FSIP2: variants seen among roughly 807,000 people sequenced by gnomAD.
FSIP2 encodes fibrous sheath interacting protein 2.
Under a neutral mutation model 510.5 loss-of-function variants are expected in FSIP2, and 367 were observed. That is an observed-to-expected ratio of 0.72 (90% CI 0.66 to 0.78). FSIP2 has a LOEUF of 0.78. FSIP2 is among the 30% of genes least tolerant of loss of function. The probability of loss-of-function intolerance (pLI) is 0.00; values close to 1 mark genes in which losing one functional copy is unlikely to be tolerated. For missense variants in FSIP2, 7,594 were observed against 7,901.7 expected (o/e 0.96, Z 1.48); for synonymous variants, 2,601 against 2,732.2 (o/e 0.95, Z 1.50).
At chr2:185,770,449 G>A (rs1043600470) in intron 13 of FSIP2, among the ~76,000 whole-genome samples, 2 of 152,076 alleles carry the variant, frequency 1.3e-5, no homozygotes, top group Non-Finnish European at 2.9e-5. Context: ...GAAGGTGAAG[G>A]GGAAGCAGGC....
chr2:185,754,483 C>T (rs1295250848), intron 8 of FSIP2, among the ~76,000 whole-genome samples: 1 of 151,458 alleles, frequency 6.6e-6, no homozygotes, highest in Non-Finnish European at 1.5e-5. Flanking sequence ...AATCCCATTT[C>T]TAGGTCAGAG....
rs1693504098 is a variant in FSIP2 at position 185,804,060 on chromosome 2, C to T, written c.14754C>T (p.Leu4918=). Residue 4918 remains leucine (L), a synonymous_variant, in exon 17 of 23, where the codon CTC becomes CTT. Transcript: ENST00000424728. Reference sequence around the variant, plus strand: ...CATTTTTATCTGAAGATAAAACTCTCCTTTTGGCAGCAGTTGATCAAACTT... The same window carrying T: ...CATTTTTATCTGAAGATAAAACTCTTCTTTTGGCAGCAGTTGATCAAACTT... ...IQSFLSEDKT[L]LLAAVDQTYK... is the part of the protein sequence containing the mutation. The T allele has an allele frequency of 9.9e-6, 15 of 1,519,854 alleles. No individual in the cohort carries two copies. The highest frequency in any genetic ancestry group is 1.2e-5 in the Non-Finnish European group (14 of 1,137,018). The allele number at this position is 1,519,854 out of a possible 1,614,324, so 94.1% of individuals were successfully genotyped here. A position where few individuals can be genotyped will look rare whatever the true frequency, so the allele number is the denominator to read the frequency against.
At chr2:185,782,794 A>C (rs1692881348) in intron 14 of FSIP2, 32 bp downstream of exon 14, 1 of 1,119,004 alleles carries the variant, frequency 8.9e-7, no homozygotes, top group South Asian at 1.3e-5. Context: ...TATAATCATA[A>C]CTAATTTTAA....
At chr2:185,745,597 G>A in intron 5 of FSIP2, 29 bp downstream of exon 5, 1 of 1,517,548 alleles carries the variant, frequency 6.6e-7, no homozygotes, top group Non-Finnish European at 8.8e-7. Flanking sequence ...CATATTTTAT[G>A]GGTATGTTGT....
chr2:185,823,218 T>G (rs1559040860), intron 19 of FSIP2, among the ~76,000 whole-genome samples: 1 of 151,810 alleles, frequency 6.6e-6, no homozygotes, highest in Non-Finnish European at 1.5e-5. Flanking sequence ...ATATTGTGCT[T>G]CATTATAATT....
intron 8 of FSIP2, 119 bp from the exon 9 acceptor site, chr2:185,756,073 C>T: frequency 2.6e-6 from 1 of 381,596 alleles, no homozygotes; most frequent in Non-Finnish European, 4.7e-6. Context: ...TCTCGCAATC[C>T]CACATACAGA....
chr2:185,816,344 C>A (rs753777124), intron 19 of FSIP2, among the ~76,000 whole-genome samples: 14 of 151,428 alleles, frequency 9.2e-5, no homozygotes, highest in Non-Finnish European at 1.9e-4. Context: ...AATGTTGGAA[C>A]CTCTTTATTG....
chr2:185,810,100 G>A (rs939740987), intron 17 of FSIP2, among the ~76,000 whole-genome samples: 1 of 152,042 alleles, frequency 6.6e-6, no homozygotes, highest in African/African-American at 2.4e-5. Context: ...TAAGCTTAGA[G>A]TAAATTTTTT....
chr2:185,800,514 T>C lies in FSIP2; in HGVS notation c.11208T>C (p.Asn3736=). ...ACTCCTCGAATAATGAGCAACCTAA[T>C]AGCATACTTACCAATAACCTACAGC... ...YFYSSNNEQP[N]SILTNNLQLS... is the part of the protein sequence containing the mutation. The change falls in exon 17 of 23, where the codon AAT becomes AAC. Residue 3736 remains asparagine (N), a synonymous_variant. Coordinates refer to ENST00000424728, the MANE Select transcript of FSIP2 (RefSeq NM_173651.4). The C allele has an allele frequency of 6.5e-7, 1 of 1,532,646 alleles. No homozygotes were observed. The highest frequency in any genetic ancestry group is 8.7e-7 in the Non-Finnish European group (1 of 1,145,256). The allele number at this position is 1,532,646 out of a possible 1,614,324, so 94.9% of individuals were successfully genotyped here.
chr2:185,757,676 CCATA>C (rs10596826), intron 9 of FSIP2, among the ~76,000 whole-genome samples: 77,251 of 150,278 alleles, frequency 0.51, 20,145 homozygotes, highest in South Asian at 0.64. Context: ...GAAATTTGCC[CCATA>C]CAGTTTTGCA....
rs1191683713 is a variant in FSIP2, at chr2:185,797,017, T to C, written c.9881T>C (p.Met3294Thr). 5 of 1,535,070 alleles carry C rather than the reference T, an allele frequency of 3.3e-6. No individual in the cohort carries two copies. The highest frequency in any genetic ancestry group is 4.4e-6 in the Non-Finnish European group (5 of 1,146,296). The change falls in exon 16 of 23, where the codon ATG (methionine) becomes ACG (threonine). Residue 3294 changes from methionine (M) to threonine (T), a missense_variant. Met to Thr is a moderately conservative substitution (Grantham distance 81, BLOSUM62 -1). Coordinates refer to ENST00000424728, the MANE Select transcript of FSIP2 (RefSeq NM_173651.4). ...AAGCAAGTCTTGTCATTCATAGAAA[T>C]GGGAAAAGGTGAAAATCTAAGAGTG... ...ALKQVLSFIE[M>T]GKGENLRVFH...
chr2:185,762,643 A>T (rs7566568), intron 11 of FSIP2, among the ~76,000 whole-genome samples: 1 of 151,294 alleles, frequency 6.6e-6, no homozygotes, highest in African/African-American at 2.4e-5. Context: ...CTAAAAGTTC[A>T]CATTTTCTGC....
At position 185,807,841 on chromosome 2, in the gene FSIP2, A is replaced by C. The variant is rs1423293596; in HGVS notation, c.18535A>C (p.Ile6179Leu). ...SHADKLSYNI[I>L]EEIAVKFLSK... is the part of the protein sequence containing the mutation. ...TGCTGATAAGCTGTCTTATAACATA[A>C]TAGAAGAAATTGCTGTGAAATTTTT... Residue 6179 changes from isoleucine to leucine, a missense_variant, in exon 17 of 23, where the codon ATA becomes CTA. Physicochemically the swap from Ile to Leu is conservative, Grantham distance 5. Coordinates refer to ENST00000424728, the MANE Select transcript of FSIP2 (RefSeq NM_173651.4). 6.2e-7 allele frequency: 1 copy of C among 1,611,434 alleles called. No homozygotes were observed. Among genetic ancestry groups the C allele is most frequent in the African/African-American group, 1.3e-5 (1 of 74,806 alleles).
In FSIP2 at chr2:185,805,465, A is replaced by G. The variant is rs188454626; in HGVS notation, c.16159A>G (p.Lys5387Glu). ...AGGGATGATTGCTGCTCTAACCCAG[A>G]AGGCAATATCTGCATTCAGGATTCA... The part of the protein sequence containing the change: ...AIGMIAALTQ[K>E]AISAFRIQPL... Residue 5387 changes from lysine (K) to glutamate (E), a missense_variant, in exon 17 of 23, where the codon AAG becomes GAG. Transcript: ENST00000424728. 135 of 1,611,474 alleles carry G rather than the reference A, an allele frequency of 8.4e-5. No individual in the cohort carries two copies. The African/African-American group carries it at 1.6e-3, about 19-fold the overall frequency.
At chr2:185,737,679 T>G (rs1284951174), upstream of FSIP2, among the ~76,000 whole-genome samples, 4 of 152,132 alleles carry the variant, frequency 2.6e-5, no homozygotes, top group Non-Finnish European at 5.9e-5. Flanking sequence ...GAAGAAGCCT[T>G]TGTTTTTTTT....
Position 185,761,318 on chromosome 2 carries a change from A to C in FSIP2, c.1194+215A>C, listed in dbSNP as rs1458060543. The stretch of plus-strand genomic sequence containing the variant: ...ATTTTAGCAGAAAATAACCCAAACA[A>C]ACATTTGGCAGTAATAATAATAATG... On this transcript the variant is annotated intron_variant, in intron 10 of 22. Coordinates refer to ENST00000424728, the MANE Select transcript of FSIP2 (RefSeq NM_173651.4). 4.0e-5 allele frequency among the ~76,000 whole-genome samples: 6 copies of C among 151,326 alleles called. No individual in the cohort carries two copies. The Admixed American group carries it at 4.0e-4, about 10-fold the overall frequency.
At chr2:185,773,349 T>C (rs1457612207) in intron 13 of FSIP2, among the ~76,000 whole-genome samples, 2 of 152,234 alleles carry the variant, frequency 1.3e-5, no homozygotes, top group Admixed American at 6.5e-5. Context: ...GTAAGGTTTC[T>C]GCTGAGAAAT....
chr2:185,803,732 A>ACAC lies in FSIP2; in HGVS notation c.14429_14431dup (p.Thr4810dup). 1 of 1,533,042 alleles carries ACAC rather than the reference A, an allele frequency of 6.5e-7. No homozygotes were observed. 95.0% of individuals were successfully genotyped at this position (1,533,042 alleles called of 1,614,324 possible). A position where few individuals can be genotyped will look rare whatever the true frequency, so the allele number is the denominator to read the frequency against. ...CTTACATCTCAGATAAGTCCATTGA[A>ACAC]CACCAGTGCAGAGCAGTCAGATACT... On this transcript the variant is annotated inframe_insertion, in exon 17 of 23. Transcript: ENST00000424728.
rs1179954746 is a variant in FSIP2 at position 185,795,574 on chromosome 2, A to T, written c.8438A>T (p.Lys2813Ile). 2.6e-6 allele frequency: 4 copies of T among 1,535,012 alleles called. No homozygotes were observed. The highest frequency in any genetic ancestry group is 3.9e-5 in the Admixed American group (2 of 50,874). Residue 2813 changes from lysine (K) to isoleucine (I), a missense_variant, in exon 16 of 23, where the codon AAA becomes ATA. By Grantham distance (102) the Lys-to-Ile change is moderately radical (BLOSUM62 -3). Coordinates refer to ENST00000424728, the MANE Select transcript of FSIP2 (RefSeq NM_173651.4). ...QGNIGTGSLP[K>I]QQACFYLENV... ...AATATAGGCACAGGATCCCTTCCTAAACAACAAGCATGTTTTTACTTGGAG... is the reference window on the plus strand; with the variant it reads ...AATATAGGCACAGGATCCCTTCCTATACAACAAGCATGTTTTTACTTGGAG...
Sources: allele counts gnomAD v4.1 joint callset (sites outside exome capture counted in the v4.1 genomes callset), GRCh38; gene constraint gnomAD v4.1.1; transcripts MANE v1.5; gene names NCBI Gene and HGNC (gene_info 2026-07-23, HGNC 2026-07-21).